The following DTNB variants were observed in gnomAD, a reference collection of about 807,000 sequenced individuals.
DTNB encodes the protein DTN-B.
Under a neutral mutation model 90.7 loss-of-function variants are expected in DTNB, and 63 were observed. That is an observed-to-expected ratio of 0.69 (90% CI 0.57 to 0.86). DTNB has a LOEUF of 0.86. Ranked by LOEUF, DTNB falls within the 40% of genes least tolerant of loss-of-function variation. DTNB has a pLI of 0.00. For missense variants in DTNB, 744 were observed against 807.1 expected (o/e 0.92, Z 0.95); for synonymous variants, 277 against 286.7 (o/e 0.97, Z 0.34).
chr2:25,621,048 T>C (rs542099824), intron 4 of DTNB, among the ~76,000 whole-genome samples: 5 of 152,168 alleles, frequency 3.3e-5, no homozygotes, highest in African/African-American at 1.2e-4. Flanking sequence ...AAAATTTAAA[T>C]GTGCTACAAC....
At chr2:25,508,122 T>C (rs1489566918) in intron 9 of DTNB, among the ~76,000 whole-genome samples, 1 of 152,194 alleles carries the variant, frequency 6.6e-6, no homozygotes, top group East Asian at 1.9e-4. Flanking sequence ...TACCTTCTAA[T>C]ATATAATTTA....
At chr2:25,403,629 G>A (rs2044318461) in intron 16 of DTNB, among the ~76,000 whole-genome samples, 1 of 152,146 alleles carries the variant, frequency 6.6e-6, no homozygotes, top group African/African-American at 2.4e-5. Flanking sequence ...ACCTATCAGT[G>A]GGGTTTTAAA....
At chr2:25,587,101 G>A (rs745604158) in intron 6 of DTNB, among the ~76,000 whole-genome samples, 12 of 152,136 alleles carry the variant, frequency 7.9e-5, no homozygotes, top group South Asian at 2.1e-4. Context: ...GGGGTAGAGC[G>A]GGAGCAATCA....
intron 9 of DTNB, among the ~76,000 whole-genome samples, chr2:25,504,383 GA>G (rs1286457442): frequency 6.8e-6 from 1 of 146,360 alleles, no homozygotes; most frequent in African/African-American, 2.5e-5. Context: ...AGGAAAGAAA[GA>G]AGGAAAGAAG....
intron 16 of DTNB, among the ~76,000 whole-genome samples, chr2:25,390,809 C>A (rs1026645419): frequency 6.6e-6 from 1 of 151,270 alleles, no homozygotes; most frequent in South Asian, 2.1e-4. Context: ...CAGAATTAGT[C>A]AATAACTTAA....
At chr2:25,639,603 A>C (rs1335630491) in intron 2 of DTNB, among the ~76,000 whole-genome samples, 2 of 137,880 alleles carry the variant, frequency 1.5e-5, no homozygotes, top group African/African-American at 2.8e-5. Context: ...TGTATTTTCC[A>C]AAAAAAAAAA....
rs75906468 is a variant in DTNB, at chr2:25,636,948, C to T, written c.148+2066G>A. Among the ~76,000 whole-genome samples, 448 of 151,844 alleles carry T rather than the reference C, an allele frequency of 3.0e-3. 3 individuals carry two copies. The highest frequency in any genetic ancestry group is 0.01 in the African/African-American group (434 of 41,376). On this transcript the variant is annotated intron_variant, in intron 3 of 20. Coordinates refer to ENST00000406818, the MANE Select transcript of DTNB (RefSeq NM_021907.5). ...TTTAAGTTAAGATTTGTGAGTAAGA[C>T]TTAAAGTAGAGTAGAATTTATCAGC... is the stretch of plus-strand genomic sequence containing the variant.
At chr2:25,394,796 GTA>G (rs962226165) in intron 16 of DTNB, among the ~76,000 whole-genome samples, 28 of 152,286 alleles carry the variant, frequency 1.8e-4, no homozygotes, top group African/African-American at 6.0e-4. Context: ...ATGTAAACTA[GTA>G]CAACTACTAT....
chr2:25,457,954 C>CTCCCA (rs1277039737), intron 10 of DTNB, among the ~76,000 whole-genome samples: 6 of 152,110 alleles, frequency 3.9e-5, no homozygotes, highest in Non-Finnish European at 8.8e-5. Context: ...CTGCCTCAGC[C>CTCCCA]TCCCAAGTAG....
At chr2:25,397,964 A>G (rs1178912826) in intron 16 of DTNB, among the ~76,000 whole-genome samples, 1 of 152,072 alleles carries the variant, frequency 6.6e-6, no homozygotes, top group African/African-American at 2.4e-5. Context: ...AGCATTAAAC[A>G]TATGGCGAGG....
chr2:25,408,677 A>G (rs536636188), intron 16 of DTNB, among the ~76,000 whole-genome samples: 1 of 152,212 alleles, frequency 6.6e-6, no homozygotes, highest in Non-Finnish European at 1.5e-5. Flanking sequence ...GCATACTGCC[A>G]AAGTATGATT....
intron 8 of DTNB, among the ~76,000 whole-genome samples, chr2:25,547,481 G>C (rs2151075768): frequency 6.6e-6 from 1 of 152,060 alleles, no homozygotes; most frequent in East Asian, 1.9e-4. Flanking sequence ...CCACCACCAT[G>C]TCCAGCCCAT....
rs935247160 is a variant in DTNB at position 25,662,691 on chromosome 2, C to A, written c.-1-10030G>T. Among the ~76,000 whole-genome samples, 7 of 147,822 alleles carry A rather than the reference C, an allele frequency of 4.7e-5. No homozygotes were observed. In the East Asian group the frequency reaches 9.9e-4, roughly 21 times the overall value. On this transcript the variant is annotated intron_variant, in intron 1 of 20. Coordinates refer to ENST00000406818, the MANE Select transcript of DTNB (RefSeq NM_021907.5). ...ACACACACACACACAAACACACACA[C>A]ACACACACACACACACAGCAAAAGT...
intron 16 of DTNB, among the ~76,000 whole-genome samples, chr2:25,389,846 TTGTG>T (rs68107964): frequency 0.017 from 1,604 of 96,002 alleles, 15 homozygotes; most frequent in East Asian, 0.096. Flanking sequence ...TTTGAATCAT[TTGTG>T]TGTGTGTGTG....
chr2:25,394,190 C>G (rs2041869119), intron 16 of DTNB, among the ~76,000 whole-genome samples: 2 of 152,074 alleles, frequency 1.3e-5, no homozygotes. Flanking sequence ...ACTGGCAAGA[C>G]ACATAGAAGA....
chr2:25,443,044 T>C (rs1322165841), intron 12 of DTNB, among the ~76,000 whole-genome samples: 3 of 152,194 alleles, frequency 2.0e-5, no homozygotes, highest in Admixed American at 1.3e-4. Flanking sequence ...ATAAGCTGAA[T>C]GAGTTTAGGA....
intron 5 of DTNB, 101 bp from the exon 6 acceptor site, chr2:25,596,341 A>G (rs981667061): frequency 3.1e-6 from 4 of 1,288,338 alleles, no homozygotes; most frequent in Admixed American, 5.6e-5. Context: ...TATCATTAAA[A>G]AAGTATCATA....
rs78027100 is a variant in DTNB at position 25,651,945 on chromosome 2, A to G, written c.67+649T>C. 6.2e-4 allele frequency among the ~76,000 whole-genome samples: 94 copies of G among 152,304 alleles called. No homozygotes were observed. The East Asian group carries it at 0.015, about 25-fold the overall frequency. On this transcript the variant is annotated intron_variant, in intron 2 of 20. Coordinates refer to ENST00000406818, the MANE Select transcript of DTNB (RefSeq NM_021907.5). ...GGTCCAGACCAATTACCCGTATTTC[A>G]TGACAAAGGAATTTGAGGTCCAGCA...
At chr2:25,457,408 T>C (rs537309808) in intron 10 of DTNB, among the ~76,000 whole-genome samples, 32 of 152,164 alleles carry the variant, frequency 2.1e-4, no homozygotes, top group Non-Finnish European at 3.4e-4. Context: ...ATTTAGAGAC[T>C]GCAGTCAGGA....
Sources: gnomAD v4.1 joint callset for allele counts (sites outside exome capture counted in the v4.1 genomes callset) on GRCh38, gnomAD v4.1.1 for gene constraint, MANE v1.5 for transcripts, NCBI Gene and HGNC (gene_info 2026-07-23, HGNC 2026-07-21) for gene names.